MED27: variants seen among roughly 807,000 people sequenced by gnomAD.
The protein encoded by MED27 is mediator complex subunit 27.
A neutral mutation model predicts 38.2 loss-of-function variants in MED27; 30 were observed. The observed-to-expected ratio is 0.79, with a 90% CI of 0.59 to 1.07. The LOEUF (loss-of-function observed/expected upper bound fraction) is 1.07. Ranked by LOEUF, MED27 falls within the 50% of genes least tolerant of loss-of-function variation. MED27 has a pLI of 0.00. For synonymous variants in MED27, 122 were observed against 153.5 expected, an observed-to-expected ratio of 0.79 and a Z score of 1.52; for missense variants, 289 against 397.5, an observed-to-expected ratio of 0.73 and a Z score of 2.32.
chr9:132,036,440 C>T (rs1833078837), intron 2 of MED27, among the ~76,000 whole-genome samples: 1 of 152,188 alleles, frequency 6.6e-6, no homozygotes, highest in Non-Finnish European at 1.5e-5. Context: ...GGCCTCAAGA[C>T]ATCCTCCCAC....
chr9:132,002,144 G>A (rs895258718), intron 3 of MED27, among the ~76,000 whole-genome samples: 1 of 152,128 alleles, frequency 6.6e-6, no homozygotes, highest in African/African-American at 2.4e-5. Flanking sequence ...GGGCCAGCAG[G>A]CCCTGAGCTC....
chr9:132,011,098 T>A (rs937321511), intron 3 of MED27, among the ~76,000 whole-genome samples: 1 of 152,264 alleles, frequency 6.6e-6, no homozygotes, highest in South Asian at 2.1e-4. Flanking sequence ...ATATGCAAAT[T>A]TGAATAGTCC....
At chr9:131,951,952 G>A (rs1218697563) in intron 3 of MED27, among the ~76,000 whole-genome samples, 4 of 152,170 alleles carry the variant, frequency 2.6e-5, no homozygotes, top group Non-Finnish European at 4.4e-5. Context: ...GAAGGCCAAC[G>A]AGAGAGTGGA....
chr9:132,019,144 G>T (rs1404789359), intron 2 of MED27, among the ~76,000 whole-genome samples: 1 of 152,198 alleles, frequency 6.6e-6, no homozygotes, highest in Non-Finnish European at 1.5e-5. Context: ...AGACAGCCTT[G>T]TGTTATTCCT....
At chr9:132,021,737 C>T (rs920837294) in intron 2 of MED27, among the ~76,000 whole-genome samples, 6 of 152,158 alleles carry the variant, frequency 3.9e-5, no homozygotes, top group Non-Finnish European at 8.8e-5. Context: ...AAGCTGGGGA[C>T]TTTGGGAGAT....
intron 3 of MED27, among the ~76,000 whole-genome samples, chr9:132,013,528 G>A (rs575435339): frequency 6.6e-6 from 1 of 152,266 alleles, no homozygotes; most frequent in East Asian, 1.9e-4. Context: ...TGTATGCTCT[G>A]TGAAGCTTAC....
At chr9:132,061,449 G>A (rs772250788) in intron 2 of MED27, among the ~76,000 whole-genome samples, 1 of 152,202 alleles carries the variant, frequency 6.6e-6, no homozygotes, top group Non-Finnish European at 1.5e-5. Context: ...AAGTGAAGTT[G>A]ATGTGGCATA....
chr9:132,064,520 C>T (rs1286512207), intron 2 of MED27, among the ~76,000 whole-genome samples: 2 of 152,200 alleles, frequency 1.3e-5, no homozygotes, highest in Admixed American at 6.5e-5. Context: ...GCCTTTCCTC[C>T]ATGGGCCACA....
chr9:131,954,092 C>A (rs993090019), intron 3 of MED27, among the ~76,000 whole-genome samples: 1 of 152,180 alleles, frequency 6.6e-6, no homozygotes, highest in African/African-American at 2.4e-5. Context: ...GCATGAGCCA[C>A]CATGCCCAGC....
chr9:132,011,524 G>A (rs556937766), intron 3 of MED27, among the ~76,000 whole-genome samples: 6 of 152,272 alleles, frequency 3.9e-5, no homozygotes, highest in African/African-American at 1.4e-4. Flanking sequence ...CAATGGGGCG[G>A]GACGCAGTGG....
At chr9:131,933,100 A>G (rs1420052225) in intron 4 of MED27, among the ~76,000 whole-genome samples, 1 of 152,198 alleles carries the variant, frequency 6.6e-6, no homozygotes, top group African/African-American at 2.4e-5. Flanking sequence ...AAATTTGGGT[A>G]TGGAAGGAAC....
At chr9:131,937,635 C>T (rs1830707598) in intron 4 of MED27, among the ~76,000 whole-genome samples, 1 of 152,174 alleles carries the variant, frequency 6.6e-6, no homozygotes, top group Non-Finnish European at 1.5e-5. Context: ...CCAAATCCCA[C>T]CCTCATTATG....
At chr9:131,994,943 T>C (rs1373418682) in intron 3 of MED27, among the ~76,000 whole-genome samples, 1 of 152,012 alleles carries the variant, frequency 6.6e-6, no homozygotes, top group Non-Finnish European at 1.5e-5. Context: ...CAAAAATCCA[T>C]GGCAGCTGCA....
chr9:131,941,193 G>A (rs909721327), intron 3 of MED27, among the ~76,000 whole-genome samples: 1 of 152,172 alleles, frequency 6.6e-6, no homozygotes, highest in Non-Finnish European at 1.5e-5. Context: ...TAGCTGACAT[G>A]TAAAACTATC....
Position 131,866,093 on chromosome 9 carries a change from C to A in MED27, c.724-2953G>T, listed in dbSNP as rs182045081. On this transcript the variant is annotated intron_variant, in intron 6 of 7. Coordinates refer to ENST00000292035, the MANE Select transcript of MED27 (RefSeq NM_004269.4). ...AGTTTAGAGCCTCTAACCAAACCAA[C>A]AAGACCCTGCACTCCCAGGTTCCCC... Among the ~76,000 whole-genome samples, 203 of 152,302 alleles carry A rather than the reference C, an allele frequency of 1.3e-3. 1 individual carries two copies. Among genetic ancestry groups the A allele is most frequent in the African/African-American group, 4.8e-3 (199 of 41,566 alleles).
intron 6 of MED27, among the ~76,000 whole-genome samples, chr9:131,867,464 T>C (rs1838757202): frequency 6.6e-6 from 1 of 152,216 alleles, no homozygotes; most frequent in Non-Finnish European, 1.5e-5. Context: ...AGCATCCTCC[T>C]CCTCTCTGCA....
intron 3 of MED27, among the ~76,000 whole-genome samples, chr9:131,960,968 G>A (rs781621819): frequency 7.9e-5 from 12 of 152,312 alleles, no homozygotes; most frequent in Middle Eastern, 6.8e-3. Context: ...GAGGCTGCCA[G>A]GAGAGTCGAA....
intron 4 of MED27, among the ~76,000 whole-genome samples, chr9:131,908,848 G>T (rs1309525376): frequency 6.7e-6 from 1 of 148,170 alleles, no homozygotes; most frequent in South Asian, 2.1e-4. Context: ...ATCCCCCTCT[G>T]CGAGAAACAC....
At chr9:131,928,305 G>A (rs894243572) in intron 4 of MED27, among the ~76,000 whole-genome samples, 1 of 152,116 alleles carries the variant, frequency 6.6e-6, no homozygotes, top group Non-Finnish European at 1.5e-5. Context: ...GAGGTGGGTG[G>A]AGCAAGATGG....
Sources: gnomAD v4.1 joint callset for allele counts (sites outside exome capture counted in the v4.1 genomes callset) on GRCh38, gnomAD v4.1.1 for gene constraint, MANE v1.5 for transcripts, NCBI Gene and HGNC (gene_info 2026-07-23, HGNC 2026-07-21) for gene names.